Variants in ATP8B1 observed in about 807,000 individuals in gnomAD.
ATP8B1 encodes the protein phospholipid-transporting ATPase IC.
A neutral mutation model predicts 149.9 loss-of-function variants in ATP8B1; 80 were observed. The observed-to-expected ratio is 0.53, with a 90% CI of 0.45 to 0.64. The LOEUF is 0.64. Ranked by LOEUF, ATP8B1 falls within the 30% of genes least tolerant of loss-of-function variation. The probability of loss-of-function intolerance (pLI) is 0.00; values close to 1 mark genes in which losing one functional copy is unlikely to be tolerated. For synonymous variants in ATP8B1, 536 were observed against 562.8 expected (o/e 0.95, Z 0.67); for missense variants, 1,247 against 1,552.6 (o/e 0.80, Z 3.31).
chr18:57,729,386 G>C (rs1197909783), intron 2 of ATP8B1, among the ~76,000 whole-genome samples: 1 of 152,136 alleles, frequency 6.6e-6, no homozygotes, highest in Non-Finnish European at 1.5e-5. Flanking sequence ...AAAGGAATGA[G>C]GAAGAAGCAT....
intron 1 of ATP8B1, among the ~76,000 whole-genome samples, chr18:57,799,446 C>G (rs1464212197): frequency 1.3e-5 from 2 of 152,164 alleles, no homozygotes; most frequent in Non-Finnish European, 2.9e-5. Flanking sequence ...TGCGGTGGCT[C>G]ACGCCTATAA....
chr18:57,677,825 A>G (rs558634697), intron 15 of ATP8B1, among the ~76,000 whole-genome samples: 2 of 152,330 alleles, frequency 1.3e-5, no homozygotes, highest in East Asian at 3.9e-4. Context: ...ACAGCGATAT[A>G]TGGCATAATA....
Position 57,653,986 on chromosome 18 carries a change from T to C in ATP8B1, c.3015+6A>G. 2 of 1,611,890 alleles carry C rather than the reference T, an allele frequency of 1.2e-6. No homozygotes were observed. Among genetic ancestry groups the C allele is most frequent in the Non-Finnish European group, 1.7e-6 (2 of 1,178,052 alleles). On this transcript the variant is annotated splice_donor_region_variant and intron_variant, in intron 24 of 27. Transcript: ENST00000648908. Reference sequence around the variant, plus strand: ...AGAAGTGTCCCTGCTTGTGCGAGGCTCCTACCTGGTCGAGCAGCCCCATGA... The same window carrying C: ...AGAAGTGTCCCTGCTTGTGCGAGGCCCCTACCTGGTCGAGCAGCCCCATGA...
intron 13 of ATP8B1, among the ~76,000 whole-genome samples, chr18:57,687,711 C>T (rs114562984): frequency 0.019 from 2,832 of 150,150 alleles, 81 homozygotes; most frequent in African/African-American, 0.066. Context: ...GCCCCTGTTT[C>T]AGTTCTTTTG....
chr18:57,716,976 G>C (rs2079588815), intron 2 of ATP8B1, among the ~76,000 whole-genome samples: 1 of 146,612 alleles, frequency 6.8e-6, no homozygotes, highest in Non-Finnish European at 1.5e-5. Flanking sequence ...TCAAACATCT[G>C]ACTGACCACA....
chr18:57,754,869 G>T (rs1029506324), intron 1 of ATP8B1, among the ~76,000 whole-genome samples: 1 of 152,194 alleles, frequency 6.6e-6, no homozygotes, highest in Non-Finnish European at 1.5e-5. Context: ...GAGCAAAGCA[G>T]CCTGGGGTGT....
At chr18:57,652,751 T>A in intron 24 of ATP8B1, 22 bp from the exon 25 acceptor site, 1 of 1,614,024 alleles carries the variant, frequency 6.2e-7, no homozygotes, top group Non-Finnish European at 8.5e-7. Flanking sequence ...AACAAAATGA[T>A]GGTATTTTAT....
chr18:57,718,070 A>C (rs1444947412), intron 2 of ATP8B1, among the ~76,000 whole-genome samples: 1 of 151,018 alleles, frequency 6.6e-6, no homozygotes, highest in Non-Finnish European at 1.5e-5. Flanking sequence ...TTGAAAAGAT[A>C]AACAAAATTG....
intron 2 of ATP8B1, among the ~76,000 whole-genome samples, chr18:57,720,258 C>G (rs1418160721): frequency 7.2e-6 from 1 of 137,962 alleles, no homozygotes; most frequent in Non-Finnish European, 1.6e-5. Context: ...ATGACTTTGA[C>G]GAGCTGAGAG....
chr18:57,662,440 CTTTCT>C, intron 21 of ATP8B1, 38 bp downstream of exon 21: 2 of 1,611,764 alleles, frequency 1.2e-6, no homozygotes, highest in South Asian at 2.2e-5. Context: ...AAATGAACTT[CTTTCT>C]TTTGAGTTAA....
intron 1 of ATP8B1, among the ~76,000 whole-genome samples, chr18:57,766,915 G>A (rs2080215816): frequency 6.6e-6 from 1 of 152,206 alleles, no homozygotes; most frequent in Non-Finnish European, 1.5e-5. Flanking sequence ...TACAGGACAT[G>A]TAGGAGTCAG....
At chr18:57,685,812 T>A (rs1912207478) in intron 13 of ATP8B1, among the ~76,000 whole-genome samples, 1 of 152,000 alleles carries the variant, frequency 6.6e-6, no homozygotes, top group African/African-American at 2.4e-5. Flanking sequence ...ATACCTGTAG[T>A]CCCAGCTACT....
intron 6 of ATP8B1, among the ~76,000 whole-genome samples, chr18:57,700,048 A>C (rs1263278552): frequency 1.3e-5 from 2 of 152,232 alleles, no homozygotes; most frequent in Non-Finnish European, 2.9e-5. Context: ...AAACTGGAAC[A>C]TCGGATAGAA....
intron 2 of ATP8B1, among the ~76,000 whole-genome samples, chr18:57,729,820 G>C (rs1432711926): frequency 6.9e-6 from 1 of 144,626 alleles, no homozygotes; most frequent in East Asian, 2.1e-4. Context: ...CAAAGTGCTG[G>C]GATTGCAGGC....
At chr18:57,731,561 C>T (rs2079765710) in intron 2 of ATP8B1, 66 bp downstream of exon 2, 50 of 1,550,764 alleles carry the variant, frequency 3.2e-5, no homozygotes, top group Non-Finnish European at 4.4e-5. Context: ...TCATCTTTGG[C>T]ACGTGTGGCC....
chr18:57,778,476 C>T (rs555674413), intron 1 of ATP8B1, among the ~76,000 whole-genome samples: 6 of 152,042 alleles, frequency 3.9e-5, no homozygotes, highest in African/African-American at 1.2e-4. Flanking sequence ...GTGATCCGCC[C>T]GCCTCGCCCT....
chr18:57,795,754 T>C (rs2123465540), intron 1 of ATP8B1, among the ~76,000 whole-genome samples: 1 of 152,220 alleles, frequency 6.6e-6, no homozygotes, highest in South Asian at 2.1e-4. Flanking sequence ...CTATTTGAGA[T>C]GATAAAAAGT....
intron 1 of ATP8B1, among the ~76,000 whole-genome samples, chr18:57,768,977 C>T (rs924678143): frequency 9.2e-5 from 14 of 152,144 alleles, no homozygotes; most frequent in East Asian, 1.9e-4. Flanking sequence ...AAACAGAGCC[C>T]GCCTTCCACT....
Position 57,675,126 on chromosome 18 carries a change from A to C in ATP8B1, c.1631-104T>G. On this transcript the variant is annotated intron_variant, in intron 15 of 27. Coordinates refer to ENST00000648908, the MANE Select transcript of ATP8B1 (RefSeq NM_001374385.1). ...TCCTGTGGGGGTCAGATGGGCTGCA[A>C]AGCCCAAAACATCCCCAGGAAAACG... 2.6e-6 allele frequency: 3 copies of C among 1,174,310 alleles called. No homozygotes were observed. In the Middle Eastern group the frequency reaches 8.2e-4, roughly 323 times the overall value. 72.7% of individuals were successfully genotyped at this position (1,174,310 alleles called of 1,614,324 possible). A position where few individuals can be genotyped will look rare whatever the true frequency, so the allele number is the denominator to read the frequency against.
Sources: allele counts gnomAD v4.1 joint callset (sites outside exome capture counted in the v4.1 genomes callset), GRCh38; gene constraint gnomAD v4.1.1; transcripts MANE v1.5; gene names NCBI Gene and HGNC (gene_info 2026-07-23, HGNC 2026-07-21).